Variants in CDC34 observed in about 807,000 individuals in gnomAD.
The protein encoded by CDC34 is ubiquitin-conjugating enzyme E2 R1.
Under a neutral mutation model 26.8 loss-of-function variants are expected in CDC34, and 18 were observed. The ratio of observed to expected loss-of-function variants is 0.67; its 90% CI spans 0.47 to 1.00. The LOEUF is 1.00. Among genes scored for constraint, CDC34 ranks in the 50% least tolerant of loss-of-function variants. The pLI is 0.00. For missense variants in CDC34, 280 were observed against 334.5 expected, an observed-to-expected ratio of 0.84 and a Z score of 1.27; for synonymous variants, 178 against 147.5, an observed-to-expected ratio of 1.21 and a Z score of -1.50.
chr19:535,092 G>A (rs1311431087), intron 1 of CDC34, among the ~76,000 whole-genome samples: 2 of 152,334 alleles, frequency 1.3e-5, no homozygotes, highest in East Asian at 1.9e-4. Flanking sequence ...GTGGCATCAC[G>A]CCCCAGGCTG....
intron 1 of CDC34, 81 bp downstream of exon 1, chr19:532,189 C>T: frequency 8.4e-7 from 1 of 1,192,120 alleles, no homozygotes; most frequent in Non-Finnish European, 1.1e-6. Flanking sequence ...GCCCCGCGGT[C>T]CTAGCGCTGT....
chr19:538,916 G>T (rs762039284), intron 4 of CDC34: 1 of 985,106 alleles, frequency 1.0e-6, no homozygotes, highest in African/African-American at 1.7e-5. Context: ...CGGTCCGGTC[G>T]TGTCACCTGG....
chr19:534,768 C>T (rs1452706904), intron 1 of CDC34, among the ~76,000 whole-genome samples: 1 of 11,176 alleles, frequency 8.9e-5, no homozygotes, highest in Admixed American at 1.0e-3. Context: ...CCAAGACCCC[C>T]GAGTGCCCTC....
rs139926290 is a variant in CDC34, at chr19:541,462, C to T, written c.621C>T (p.Tyr207=). ...CCGACGAGGGCTCAGACCTCTTCTA[C>T]GACGACTACTACGAGGACGGCGAGG... The part of the protein sequence containing the change: ...PAPDEGSDLF[Y]DDYYEDGEVE... The change falls in exon 5 of 5, where the codon TAC becomes TAT. Residue 207 remains tyrosine (Y), a synonymous_variant. Coordinates refer to ENST00000215574, the MANE Select transcript of CDC34 (RefSeq NM_004359.2). 9.2e-5 allele frequency: 148 copies of T among 1,612,694 alleles called. No homozygotes were observed. The East Asian group carries it at 2.4e-3, about 26-fold the overall frequency.
At chr19:538,182 G>C (rs920506685) in intron 4 of CDC34, among the ~76,000 whole-genome samples, 1 of 152,198 alleles carries the variant, frequency 6.6e-6, no homozygotes, top group African/African-American at 2.4e-5. Flanking sequence ...TGCTGTGTGT[G>C]CCCAGTGACT....
intron 3 of CDC34, chr19:536,806 C>T (rs955627389): frequency 3.3e-6 from 2 of 609,616 alleles, no homozygotes; most frequent in Non-Finnish European, 2.9e-6. Context: ...CCTTGCTGCC[C>T]TCCCTGGTCT....
At position 541,339 on chromosome 19, in the gene CDC34, G is replaced by C; in HGVS notation, c.498G>C (p.Arg166=). The stretch of plus-strand genomic sequence containing the variant: ...GCCCTCACCCACCCTGTCCCCCCAG[G>C]AAGCAGGTCCTGGGGACCAAGGTGG... ...GKDREYTDII[R]KQVLGTKVDA... is the part of the protein sequence containing the mutation. Residue 166 remains arginine, a splice_region_variant and synonymous_variant, in exon 5 of 5, where the codon CGG becomes CGC. Coordinates refer to ENST00000215574, the MANE Select transcript of CDC34 (RefSeq NM_004359.2). 6.4e-7 allele frequency: 1 copy of C among 1,565,266 alleles called. No individual in the cohort carries two copies. Among genetic ancestry groups the C allele is most frequent in the Non-Finnish European group, 8.6e-7 (1 of 1,158,476 alleles).
Position 541,481 on chromosome 19 carries a change from G to A in CDC34, c.640G>A (p.Gly214Ser), listed in dbSNP as rs1350306457. ...CTTCTACGACGACTACTACGAGGAC[G>A]GCGAGGTGGAGGAGGAGGCCGACAG... ...DLFYDDYYEDGEVEEEADSCF... is the reference protein window; with the variant it reads ...DLFYDDYYEDSEVEEEADSCF... The change falls in exon 5 of 5, where the codon GGC becomes AGC. Residue 214 changes from glycine to serine, a missense_variant. Coordinates refer to ENST00000215574, the MANE Select transcript of CDC34 (RefSeq NM_004359.2). 7.4e-6 allele frequency: 12 copies of A among 1,611,738 alleles called. No homozygotes were observed. Among genetic ancestry groups the A allele is most frequent in the Admixed American group, 1.7e-5 (1 of 59,892 alleles).
chr19:536,002 C>T (rs892892492), intron 2 of CDC34, 79 bp downstream of exon 2: 62 of 1,385,198 alleles, frequency 4.5e-5, no homozygotes, highest in Non-Finnish European at 4.3e-5. Context: ...CTCATCCTTC[C>T]GGGACCCGGG....
At chr19:535,732 C>A in intron 1 of CDC34, 105 bp from the exon 2 acceptor site, 1 of 866,216 alleles carries the variant, frequency 1.2e-6, no homozygotes. Context: ...CTCACACACA[C>A]CCTCAGGCAC....
Position 531,943 on chromosome 19 carries a change from G to A in CDC34, c.12G>A (p.Pro4=). Residue 4 remains proline (P), a synonymous_variant, in exon 1 of 5, where the codon CCG becomes CCA. Coordinates refer to ENST00000215574, the MANE Select transcript of CDC34 (RefSeq NM_004359.2). MAR[P]LVPSSQKALL... ...CCTCCGCCGCCGCCATGGCTCGGCC[G>A]CTAGTGCCCAGCTCGCAGAAGGCGC... The A allele has an allele frequency of 4.2e-6, 6 of 1,442,594 alleles. No individual in the cohort carries two copies. The highest frequency in any genetic ancestry group is 5.4e-6 in the Non-Finnish European group (6 of 1,101,376). The allele number at this position is 1,442,594 out of a possible 1,614,324, so 89.4% of individuals were successfully genotyped here. A position where few individuals can be genotyped will look rare whatever the true frequency, so the allele number is the denominator to read the frequency against.
intron 3 of CDC34, 73 bp from the exon 4 acceptor site, chr19:536,940 C>A (rs756204841): frequency 6.3e-7 from 1 of 1,587,734 alleles, no homozygotes; most frequent in Admixed American, 1.7e-5. Context: ...GTCCCCGTGA[C>A]CCTCAGGGCC....
At chr19:541,229 T>C in intron 4 of CDC34, 110 bp from the exon 5 acceptor site, 2 of 1,383,092 alleles carry the variant, frequency 1.4e-6, no homozygotes, top group African/African-American at 1.5e-5. Flanking sequence ...CACACGCCGT[T>C]TTAAGAGAAA....
At chr19:534,219 G>A (rs1387900452) in intron 1 of CDC34, among the ~76,000 whole-genome samples, 1 of 152,126 alleles carries the variant, frequency 6.6e-6, no homozygotes, top group East Asian at 1.9e-4. Flanking sequence ...TTCTGAGACT[G>A]AAGTTCCAGC....
At chr19:533,988 C>T (rs1388423812) in intron 1 of CDC34, among the ~76,000 whole-genome samples, 16 of 152,360 alleles carry the variant, frequency 1.1e-4, no homozygotes, top group South Asian at 2.1e-4. Flanking sequence ...AGAGAGAGCC[C>T]TCCACAGCCG....
intron 1 of CDC34, 75 bp from the exon 2 acceptor site, chr19:535,762 G>GCCT: frequency 1.8e-6 from 2 of 1,140,458 alleles, no homozygotes; most frequent in Non-Finnish European, 2.6e-6. Flanking sequence ...GAGTGGGATG[G>GCCT]CCTTGGGCAC....
chr19:534,917 T>C (rs1264293884), intron 1 of CDC34, among the ~76,000 whole-genome samples: 2 of 152,176 alleles, frequency 1.3e-5, no homozygotes, highest in Non-Finnish European at 2.9e-5. Flanking sequence ...GCCCTCCCTG[T>C]CCAGGCTTCC....
intron 3 of CDC34, 123 bp downstream of exon 3, chr19:536,463 C>T (rs569104921): frequency 2.1e-4 from 153 of 726,466 alleles, no homozygotes; most frequent in African/African-American, 4.0e-4. Flanking sequence ...AGGCCTGATT[C>T]GGGACCTGCC....
chr19:536,638 C>A, intron 3 of CDC34: 3 of 543,422 alleles, frequency 5.5e-6, no homozygotes, highest in Non-Finnish European at 9.9e-6. Flanking sequence ...TTCTCCTTAC[C>A]CAGCCGTCTC....
Sources: allele counts gnomAD v4.1 joint callset (sites outside exome capture counted in the v4.1 genomes callset), GRCh38; gene constraint gnomAD v4.1.1; transcripts MANE v1.5; gene names NCBI Gene and HGNC (gene_info 2026-07-23, HGNC 2026-07-21).